Variants in ESPNL observed in about 807,000 individuals in gnomAD.
ESPNL encodes espin-like protein.
A neutral mutation model predicts 46.8 loss-of-function variants in ESPNL; 49 were observed. The ratio of observed to expected loss-of-function variants is 1.05; its 90% CI spans 0.83 to 1.33. The LOEUF is 1.33. Among genes scored for constraint, ESPNL ranks in the 40% most tolerant of loss-of-function variants. The pLI is 0.00. For synonymous variants in ESPNL, 664 were observed against 662.1 expected (o/e 1.00, Z -0.04); for missense variants, 1,540 against 1,436.6 (o/e 1.07, Z -1.16).
intron 5 of ESPNL, among the ~76,000 whole-genome samples, chr2:238,119,507 AGGTGGGT>A: frequency 1.0e-5 from 1 of 100,356 alleles, no homozygotes; most frequent in Non-Finnish European, 2.0e-5. Flanking sequence ...TGGATGGAGG[AGGTGGGT>A]GGAGGAGGGG....
rs750155668 is a variant in ESPNL, at chr2:238,130,389, C to T, written c.1675C>T (p.Pro559Ser). 2 of 1,610,846 alleles carry T rather than the reference C, an allele frequency of 1.2e-6. No individual in the cohort carries two copies. Among genetic ancestry groups the T allele is most frequent in the Non-Finnish European group, 1.7e-6 (2 of 1,179,212 alleles). The change falls in exon 9 of 9, where the codon CCC becomes TCC. Residue 559 changes from proline (P) to serine (S), a missense_variant. Physicochemically the swap from Pro to Ser is moderately conservative, Grantham distance 74. Transcript: ENST00000343063. ...CAACAGCCACTTCCTGCCCCGGGCG[C>T]CCGGACTGGAGGTTGAGGAGGCCTC... ...TVNSHFLPRA[P>S]GLEVEEASIP... is the part of the protein sequence containing the mutation.
chr2:238,105,860 G>A (rs1691585588), intron 3 of ESPNL, among the ~76,000 whole-genome samples: 1 of 152,170 alleles, frequency 6.6e-6, no homozygotes, highest in East Asian at 1.9e-4. Flanking sequence ...TCCCATGCTT[G>A]CCTGGGGCCT....
chr2:238,103,795 C>A (rs527369893), intron 2 of ESPNL, among the ~76,000 whole-genome samples: 6 of 152,180 alleles, frequency 3.9e-5, no homozygotes, highest in Non-Finnish European at 8.8e-5. Flanking sequence ...TCTGCAGGTG[C>A]AGGGGACGAT....
intron 5 of ESPNL, among the ~76,000 whole-genome samples, chr2:238,124,324 G>A (rs537704574): frequency 3.2e-4 from 48 of 152,210 alleles, no homozygotes; most frequent in Non-Finnish European, 5.6e-4. Flanking sequence ...CCAGAGGGAC[G>A]GTGGCATGCG....
intron 5 of ESPNL, among the ~76,000 whole-genome samples, chr2:238,118,374 A>AG (rs1157238023): frequency 5.1e-5 from 5 of 98,268 alleles, no homozygotes; most frequent in East Asian, 4.4e-4. Flanking sequence ...TGGATGGAGG[A>AG]GGTGGATGGA....
Position 238,130,370 on chromosome 2 carries a change from C to T in ESPNL, c.1656C>T (p.Ser552=). The T allele has an allele frequency of 6.2e-7, 1 of 1,611,000 alleles. No individual in the cohort carries two copies. The stretch of plus-strand genomic sequence containing the variant: ...CCCTGGTCAGCATCACGGTCAACAG[C>T]CACTTCCTGCCCCGGGCGCCCGGAC... ...PEPLVSITVN[S]HFLPRAPGLE... is the part of the protein sequence containing the mutation. The change falls in exon 9 of 9, where the codon AGC becomes AGT. Residue 552 remains serine, a synonymous_variant. Coordinates refer to ENST00000343063, the MANE Select transcript of ESPNL (RefSeq NM_194312.4).
At chr2:238,127,188 T>A (rs182689731) in intron 6 of ESPNL, among the ~76,000 whole-genome samples, 4 of 152,188 alleles carry the variant, frequency 2.6e-5, no homozygotes, top group Non-Finnish European at 4.4e-5. Context: ...CTGTGTGTGA[T>A]TGTGTCTGTG....
chr2:238,107,803 G>C lies in ESPNL; in HGVS notation c.685G>C (p.Asp229His). 1 of 1,593,596 alleles carries C rather than the reference G, an allele frequency of 6.3e-7. No homozygotes were observed. Among genetic ancestry groups the C allele is most frequent in the Non-Finnish European group, 8.5e-7 (1 of 1,170,230 alleles). The part of the protein sequence containing the change: ...SLVVWLVTFT[D>H]IGLTARDNEG... The stretch of plus-strand genomic sequence containing the variant: ...CCTCCTTCCCCAGGTCACATTCACC[G>C]ACATCGGACTCACGGCACGGGACAA... Residue 229 changes from aspartate (D) to histidine (H), a missense_variant, in exon 4 of 9, where the codon GAC becomes CAC. Coordinates refer to ENST00000343063, the MANE Select transcript of ESPNL (RefSeq NM_194312.4).
chr2:238,104,924 G>T lies in ESPNL; in HGVS notation c.672+82G>T, dbSNP rs1403518857. 5.6e-6 allele frequency: 7 copies of T among 1,248,914 alleles called. No homozygotes were observed. In the African/African-American group the frequency reaches 1.1e-4, roughly 19 times the overall value. 77.4% of individuals were successfully genotyped at this position (1,248,914 alleles called of 1,614,324 possible). A position where few individuals can be genotyped will look rare whatever the true frequency, so the allele number is the denominator to read the frequency against. On this transcript the variant is annotated intron_variant, in intron 3 of 8. Transcript: ENST00000343063. ...AGCAGAGCCTGGAGCCTGGATGGGG[G>T]CTCCAGAGGGAACTGGGGACACGCA...
chr2:238,126,824 T>C (rs1164971450), intron 6 of ESPNL, among the ~76,000 whole-genome samples: 2 of 151,434 alleles, frequency 1.3e-5, no homozygotes, highest in Non-Finnish European at 3.0e-5. Flanking sequence ...TCTGTGTGTT[T>C]CTCTGTGTGT....
At position 238,100,693 on chromosome 2, in the gene ESPNL, G is replaced by T. The variant is rs750519684; in HGVS notation, c.274G>T (p.Glu92Ter). Residue 92 changes from glutamate to a stop codon, truncating the protein, a stop_gained, in exon 1 of 9, where the codon GAG becomes TAG. Coordinates refer to ENST00000343063, the MANE Select transcript of ESPNL (RefSeq NM_194312.4). LOFTEE classifies it high-confidence loss of function. The part of the protein sequence containing the change: ...SLAELCWLVR[E>*]GGCGLQDQDA... ...GGCCGAGCTGTGCTGGCTGGTCCGC[G>T]AGGGGGGCTGCGGTCTGCAGGTGAG... is the stretch of plus-strand genomic sequence containing the variant. The T allele has an allele frequency of 7.0e-7, 1 of 1,429,790 alleles. No homozygotes were observed. The highest frequency in any genetic ancestry group is 2.7e-5 in the East Asian group (1 of 36,396). 88.6% of individuals were successfully genotyped at this position (1,429,790 alleles called of 1,614,324 possible). A position where few individuals can be genotyped will look rare whatever the true frequency, so the allele number is the denominator to read the frequency against.
At chr2:238,102,876 C>T (rs1044458380) in intron 2 of ESPNL, among the ~76,000 whole-genome samples, 1 of 152,198 alleles carries the variant, frequency 6.6e-6, no homozygotes, top group Non-Finnish European at 1.5e-5. Context: ...TTCGAGGCAG[C>T]ATCTCATTTT....
chr2:238,101,193 GT>G (rs1312469180), intron 1 of ESPNL, among the ~76,000 whole-genome samples: 2 of 152,162 alleles, frequency 1.3e-5, no homozygotes, highest in Non-Finnish European at 2.9e-5. Context: ...AGTCCCCTTT[GT>G]GCAGGCGAGG....
chr2:238,109,535 G>T (rs549284574), intron 4 of ESPNL, among the ~76,000 whole-genome samples: 24 of 152,170 alleles, frequency 1.6e-4, no homozygotes, highest in African/African-American at 5.8e-4. Flanking sequence ...AAAAAATTTT[G>T]TAGAGATGGG....
chr2:238,127,698 T>A lies in ESPNL; in HGVS notation c.1179T>A (p.Pro393=). Residue 393 remains proline (P), a synonymous_variant, in exon 7 of 9, where the codon CCT becomes CCA. Coordinates refer to ENST00000343063, the MANE Select transcript of ESPNL (RefSeq NM_194312.4). The part of the protein sequence containing the change: ...LPREQMTSPA[P]PRIITSATAD... ...GGGAGCAGATGACCAGCCCGGCCCC[T>A]CCGAGGATCATCACCAGTGCCACGG... 6.2e-7 allele frequency: 1 copy of A among 1,611,896 alleles called. No individual in the cohort carries two copies. Among genetic ancestry groups the A allele is most frequent in the Non-Finnish European group, 8.5e-7 (1 of 1,179,332 alleles).
chr2:238,131,251 C>A lies in ESPNL; in HGVS notation c.2537C>A (p.Ala846Asp). ...PEQFLPHVDG[A>D]PVPYSSLSLD... ...CAGTTCCTGCCCCACGTGGACGGGG[C>A]TCCGGTGCCCTACAGCAGCCTCTCA... is the stretch of plus-strand genomic sequence containing the variant. The change falls in exon 9 of 9, where the codon GCT (alanine) becomes GAT (aspartate). Residue 846 changes from alanine to aspartate, a missense_variant. By Grantham distance (126) the Ala-to-Asp change is moderately radical (BLOSUM62 -2). Coordinates refer to ENST00000343063, the MANE Select transcript of ESPNL (RefSeq NM_194312.4). The A allele has an allele frequency of 6.4e-7, 1 of 1,569,524 alleles. No individual in the cohort carries two copies. Among genetic ancestry groups the A allele is most frequent in the Non-Finnish European group, 8.6e-7 (1 of 1,160,182 alleles).
intron 8 of ESPNL, 43 bp downstream of exon 8, chr2:238,128,947 C>T (rs1472425160): frequency 1.6e-5 from 24 of 1,508,706 alleles, no homozygotes; most frequent in Non-Finnish European, 2.0e-5. Flanking sequence ...GGGGCGGGGC[C>T]TTTTCCAGGT....
intron 2 of ESPNL, among the ~76,000 whole-genome samples, chr2:238,103,059 C>T (rs938897836): frequency 6.6e-6 from 1 of 152,230 alleles, no homozygotes; most frequent in African/African-American, 2.4e-5. Context: ...TCCACACCAC[C>T]CTCAGCCTTG....
In ESPNL at chr2:238,114,725, C is replaced by T. The variant is rs1419077250; in HGVS notation, c.856-2178C>T. On this transcript the variant is annotated intron_variant, in intron 4 of 8. Coordinates refer to ENST00000343063, the MANE Select transcript of ESPNL (RefSeq NM_194312.4). The surrounding 1 kb of genome is among the most constrained non-coding windows in gnomAD (Gnocchi z 5.0). The stretch of plus-strand genomic sequence containing the variant: ...CCCACAAGCTCAAAATAGTTTTTCC[C>T]TTTTTAAATGGGGAAAAGGAAAAAG... 6.6e-6 allele frequency among the ~76,000 whole-genome samples: 1 copy of T among 152,188 alleles called. No homozygotes were observed. Among genetic ancestry groups the T allele is most frequent in the African/African-American group, 2.4e-5 (1 of 41,438 alleles).
Sources: gnomAD v4.1 joint callset for allele counts (sites outside exome capture counted in the v4.1 genomes callset) on GRCh38, gnomAD v4.1.1 for gene constraint, Gnocchi (gnomAD v3.1) non-coding constraint, MANE v1.5 for transcripts, NCBI Gene and HGNC (gene_info 2026-07-23, HGNC 2026-07-21) for gene names.